The following NRG3 variants were observed in gnomAD, a reference collection of about 807,000 sequenced individuals.
The protein encoded by NRG3 is pro-neuregulin-3, membrane-bound isoform.
A neutral mutation model predicts 66.9 loss-of-function variants in NRG3; 31 were observed. That is an observed-to-expected ratio of 0.46 (90% CI 0.35 to 0.63). The LOEUF (loss-of-function observed/expected upper bound fraction) is 0.63, where lower values mean the gene tolerates loss of function less well. Among genes scored for constraint, NRG3 ranks in the 20% least tolerant of loss-of-function variants. The pLI is 0.00. For missense variants in NRG3, 910 were observed against 878.9 expected (o/e 1.04, Z -0.45); for synonymous variants, 393 against 359.4 (o/e 1.09, Z -1.06).
chr10:82,524,599 T>A (rs1444103556), intron 2 of NRG3, among the ~76,000 whole-genome samples: 2 of 151,916 alleles, frequency 1.3e-5, no homozygotes, highest in Middle Eastern at 3.2e-3. Context: ...ATATAATCAC[T>A]TTTAGGTTAC....
At chr10:82,788,782 A>T (rs1203384033) in intron 3 of NRG3, among the ~76,000 whole-genome samples, 1 of 151,252 alleles carries the variant, frequency 6.6e-6, no homozygotes, top group Non-Finnish European at 1.5e-5. Flanking sequence ...TCAAAAAAAA[A>T]ATTTTTTTTT....
At chr10:82,680,938 C>G (rs941482922) in intron 2 of NRG3, among the ~76,000 whole-genome samples, 2 of 152,210 alleles carry the variant, frequency 1.3e-5, no homozygotes, top group Non-Finnish European at 2.9e-5. Context: ...TTAAGCTGTT[C>G]TGGGCAAGAG....
chr10:82,290,638 ATT>A (rs10710319), intron 1 of NRG3, among the ~76,000 whole-genome samples: 41 of 145,038 alleles, frequency 2.8e-4, no homozygotes, highest in South Asian at 4.4e-4. Flanking sequence ...ACTTCAAATG[ATT>A]TTTTTTTTTT....
In NRG3 at chr10:82,938,744, A is replaced by C. The variant is rs112700622; in HGVS notation, c.1055-12725A>C. Among the ~76,000 whole-genome samples, 1,268 of 152,314 alleles carry C rather than the reference A, an allele frequency of 8.3e-3. 21 individuals carry two copies. The highest frequency in any genetic ancestry group is 0.029 in the African/African-American group (1,225 of 41,568). ...GTGGGTTAGAATCCCTACTCCATCT[A>C]AATAGGTCACAGCTAGAAGATTCCC... On this transcript the variant is annotated intron_variant, in intron 4 of 8. Transcript: ENST00000372141.
intron 1 of NRG3, among the ~76,000 whole-genome samples, chr10:82,169,751 A>G (rs1410443488): frequency 2.0e-5 from 3 of 151,456 alleles, no homozygotes; most frequent in African/African-American, 7.3e-5. Context: ...TTTATTCTCT[A>G]TTAAAGATTA....
intron 1 of NRG3, among the ~76,000 whole-genome samples, chr10:82,049,661 C>G (rs1356308058): frequency 6.6e-6 from 1 of 151,988 alleles, no homozygotes; most frequent in Admixed American, 6.6e-5. Flanking sequence ...AAAGCCCATT[C>G]CAAACCCCAT....
chr10:82,701,676 A>T (rs2055892534), intron 2 of NRG3, among the ~76,000 whole-genome samples: 1 of 152,190 alleles, frequency 6.6e-6, no homozygotes, highest in African/African-American at 2.4e-5. Context: ...TGGTAGTAAT[A>T]GTAGTAGCGT....
intron 1 of NRG3, among the ~76,000 whole-genome samples, chr10:81,936,080 G>A (rs1183601945): frequency 6.6e-6 from 1 of 152,110 alleles, no homozygotes; most frequent in Non-Finnish European, 1.5e-5. Flanking sequence ...ATGATAGAAG[G>A]AGATCTATTA....
chr10:82,733,771 G>C (rs1429527012), intron 2 of NRG3, among the ~76,000 whole-genome samples: 1 of 152,188 alleles, frequency 6.6e-6, no homozygotes, highest in African/African-American at 2.4e-5. Context: ...ATTGAAGAAT[G>C]ATCTGGAAAT....
intron 2 of NRG3, among the ~76,000 whole-genome samples, chr10:82,592,580 G>A (rs922611895): frequency 3.3e-5 from 5 of 152,144 alleles, no homozygotes; most frequent in African/African-American, 1.2e-4. Context: ...CATAGCAGAG[G>A]CAGTCACTGC....
intron 1 of NRG3, among the ~76,000 whole-genome samples, chr10:82,007,233 A>C (rs1241621098): frequency 7.2e-6 from 1 of 138,252 alleles, no homozygotes; most frequent in Non-Finnish European, 1.5e-5. Context: ...TTTTTGAGAC[A>C]GAGTCTTGCA....
chr10:82,590,310 T>C (rs1224606524), intron 2 of NRG3, among the ~76,000 whole-genome samples: 3 of 152,210 alleles, frequency 2.0e-5, no homozygotes, highest in Non-Finnish European at 4.4e-5. Flanking sequence ...TTCATGTCTC[T>C]GTATCTGAAG....
rs187424414 is a variant in NRG3 at position 82,427,928 on chromosome 10, G to A, written c.953+69060G>A. ...AGATATTTTATTTCTTCTTAAGTCA[G>A]ATTTTATAGTTTGTACCCTTTTAAG... On this transcript the variant is annotated intron_variant, in intron 2 of 8. Transcript: ENST00000372141. Among the ~76,000 whole-genome samples the A allele has an allele frequency of 3.9e-5, 6 of 152,002 alleles. No homozygotes were observed. In the East Asian group the frequency reaches 9.6e-4, roughly 24 times the overall value.
chr10:82,777,271 C>A (rs966069488), intron 3 of NRG3, among the ~76,000 whole-genome samples: 1 of 152,008 alleles, frequency 6.6e-6, no homozygotes, highest in Non-Finnish European at 1.5e-5. Flanking sequence ...TTGTATGGTT[C>A]TTGGTGATAA....
intron 3 of NRG3, among the ~76,000 whole-genome samples, chr10:82,806,696 G>A (rs2135473762): frequency 6.6e-6 from 1 of 152,310 alleles, no homozygotes; most frequent in East Asian, 1.9e-4. Context: ...GAGGGAAAAA[G>A]AGAATAATTT....
At chr10:82,555,411 T>C (rs2044586669) in intron 2 of NRG3, among the ~76,000 whole-genome samples, 1 of 152,200 alleles carries the variant, frequency 6.6e-6, no homozygotes, top group African/African-American at 2.4e-5. Flanking sequence ...CTCTGTCTAA[T>C]AATCTTACCA....
At chr10:82,925,032 T>C (rs1291365403) in intron 4 of NRG3, among the ~76,000 whole-genome samples, 1 of 152,228 alleles carries the variant, frequency 6.6e-6, no homozygotes, top group Non-Finnish European at 1.5e-5. Context: ...ATCCATCATA[T>C]TTTTATGCCA....
chr10:82,150,581 G>A (rs2070664192), intron 1 of NRG3, among the ~76,000 whole-genome samples: 3 of 130,290 alleles, frequency 2.3e-5, no homozygotes. Flanking sequence ...AAAACTCTCA[G>A]TCTAAAACAG....
At chr10:82,527,774 GA>G (rs1347639687) in intron 2 of NRG3, among the ~76,000 whole-genome samples, 2 of 152,012 alleles carry the variant, frequency 1.3e-5, no homozygotes, top group Non-Finnish European at 2.9e-5. Flanking sequence ...TGATCTTAAT[GA>G]GCTCTTTTGT....
Sources: gnomAD v4.1 joint callset for allele counts (sites outside exome capture counted in the v4.1 genomes callset) on GRCh38, gnomAD v4.1.1 for gene constraint, MANE v1.5 for transcripts, NCBI Gene and HGNC (gene_info 2026-07-23, HGNC 2026-07-21) for gene names.